Variants in DTNA observed in about 807,000 individuals in gnomAD.
DTNA encodes dystrobrevin alpha, also known as dystrophin-related protein 3.
DTNA carries 43 observed loss-of-function variants against 100.7 expected under a neutral mutation model. That is an observed-to-expected ratio of 0.43 (90% CI 0.33 to 0.55). DTNA has a LOEUF of 0.55. DTNA is among the 20% of genes least tolerant of loss of function. The pLI, the probability that DTNA is intolerant of heterozygous loss-of-function variation, is 0.04. For synonymous variants in DTNA, 349 were observed against 347.9 expected (o/e 1.00, Z -0.04); for missense variants, 798 against 953.9 (o/e 0.84, Z 2.15).
rs1366797220 is a variant in DTNA, at chr18:34,560,897, G to A, written c.-2+67383G>A. On this transcript the variant is annotated intron_variant, in intron 1 of 19. Coordinates refer to the DTNA transcript ENST00000283365. ...AGATCATGCCACTGCACTCCAGCCTGGGTGACAGAGGGAGACCCTGTCTCA... is the reference window on the plus strand; with the variant it reads ...AGATCATGCCACTGCACTCCAGCCTAGGTGACAGAGGGAGACCCTGTCTCA... Among the ~76,000 whole-genome samples the A allele has an allele frequency of 4.6e-5, 7 of 152,128 alleles. No individual in the cohort carries two copies. The East Asian group carries it at 1.3e-3, about 29-fold the overall frequency.
chr18:34,668,361 CT>C (rs1242927119), intron 1 of DTNA, among the ~76,000 whole-genome samples: 5 of 152,120 alleles, frequency 3.3e-5, no homozygotes, highest in Non-Finnish European at 7.4e-5. Flanking sequence ...TTTTGTTGAT[CT>C]TTTCAAAAAA....
At chr18:34,569,483 GA>G (rs1308849354) in intron 1 of DTNA, among the ~76,000 whole-genome samples, 1 of 150,400 alleles carries the variant, frequency 6.6e-6, no homozygotes, top group South Asian at 2.1e-4. Flanking sequence ...GTGATAGTGA[GA>G]AAAAAAAAGC....
intron 1 of DTNA, among the ~76,000 whole-genome samples, chr18:34,681,599 CATTT>C (rs367909188): frequency 2.0e-5 from 3 of 151,866 alleles, no homozygotes; most frequent in Admixed American, 6.6e-5. Flanking sequence ...TGCAGTGTGT[CATTT>C]ATTTATTAAT....
chr18:34,704,017 T>C (rs1403221397), intron 1 of DTNA, among the ~76,000 whole-genome samples: 1 of 152,236 alleles, frequency 6.6e-6, no homozygotes, highest in Non-Finnish European at 1.5e-5. Flanking sequence ...TGTTTTACCA[T>C]AATAATTTAT....
chr18:34,615,970 T>G (rs565246211), intron 1 of DTNA, among the ~76,000 whole-genome samples: 1 of 152,360 alleles, frequency 6.6e-6, no homozygotes, highest in East Asian at 1.9e-4. Flanking sequence ...TTCCACATTT[T>G]TTTTGTTCAA....
At chr18:34,818,417 A>C in intron 8 of DTNA, 87 bp downstream of exon 8, 1 of 1,559,178 alleles carries the variant, frequency 6.4e-7, no homozygotes. Context: ...TGGCAGAATT[A>C]AAGGGCAAAC....
chr18:34,644,085 A>G (rs967261783), intron 1 of DTNA, among the ~76,000 whole-genome samples: 2 of 152,198 alleles, frequency 1.3e-5, no homozygotes, highest in African/African-American at 2.4e-5. Context: ...TTAAATAAAA[A>G]AAATAAGCTA....
rs1221055268 is a variant in DTNA, at chr18:34,883,917, ACT to A, written c.2296-808_2296-807del. 2.6e-5 allele frequency among the ~76,000 whole-genome samples: 4 copies of A among 152,124 alleles called. No homozygotes were observed. In the East Asian group the frequency reaches 7.7e-4, roughly 29 times the overall value. ...AGAGGGTAAAAGAAAAACATAAGTG[ACT>A]CTATATGTAGAGCCGTGCTCCCATG... On this transcript the variant is annotated intron_variant, in intron 21 of 22. Coordinates refer to ENST00000444659, the MANE Select transcript of DTNA (RefSeq NM_001386795.1).
intron 15 of DTNA, among the ~76,000 whole-genome samples, chr18:34,855,531 CCAA>C (rs1356454449): frequency 1.3e-5 from 2 of 152,344 alleles, no homozygotes; most frequent in South Asian, 2.1e-4. Context: ...TCCAGATTTT[CCAA>C]CAACAACCTT....
Position 34,891,000 on chromosome 18 carries a change from C to T in DTNA, c.*3266C>T, listed in dbSNP as rs1359765584. Reference sequence around the variant, plus strand: ...TTTGGTTGCTGCATTCCCCTTGGTTCGATTCCACGCAAGGAGCCACAAGTG... The same window carrying T: ...TTTGGTTGCTGCATTCCCCTTGGTTTGATTCCACGCAAGGAGCCACAAGTG... On this transcript the variant is annotated 3_prime_UTR_variant, in exon 23 of 23. Transcript: ENST00000444659. 6.6e-6 allele frequency: 1 copy of T among 152,420 alleles called. No individual in the cohort carries two copies. The highest frequency in any genetic ancestry group is 1.5e-5 in the Non-Finnish European group (1 of 68,072). 9.4% of individuals were successfully genotyped at this position (152,420 alleles called of 1,614,324 possible).
chr18:34,728,408 A>C (rs991320895), intron 1 of DTNA, among the ~76,000 whole-genome samples: 3 of 152,196 alleles, frequency 2.0e-5, no homozygotes, highest in East Asian at 1.9e-4. Flanking sequence ...ATTTAAAAAA[A>C]TAAAATAAAT....
chr18:34,686,394 A>T lies in DTNA; in HGVS notation c.-1-69582A>T, dbSNP rs544927883. Among the ~76,000 whole-genome samples, 447 of 152,298 alleles carry T rather than the reference A, an allele frequency of 2.9e-3. 2 individuals are homozygous for T. The highest frequency in any genetic ancestry group is 0.01 in the African/African-American group (418 of 41,560). Reference sequence around the variant, plus strand: ...AGGCCTTTTCTGCATCTATTGAGATAATCATGTGGTTTTTGTCATTGGTTC... The same window carrying T: ...AGGCCTTTTCTGCATCTATTGAGATTATCATGTGGTTTTTGTCATTGGTTC... On this transcript the variant is annotated intron_variant, in intron 1 of 19. Coordinates refer to the DTNA transcript ENST00000283365.
chr18:34,543,021 A>G (rs1258843623), intron 1 of DTNA, among the ~76,000 whole-genome samples: 1 of 152,078 alleles, frequency 6.6e-6, no homozygotes, highest in Non-Finnish European at 1.5e-5. Flanking sequence ...GCCTTTACAA[A>G]TGTGATATTC....
intron 22 of DTNA, among the ~76,000 whole-genome samples, 172 bp from the exon 23 acceptor site, chr18:34,887,594 C>T (rs1331633094): frequency 6.6e-6 from 1 of 152,116 alleles, no homozygotes; most frequent in African/African-American, 2.4e-5. Context: ...GCACAGTGTC[C>T]TAGGACTTTC....
At position 34,824,916 on chromosome 18, in the gene DTNA, G is replaced by A. The variant is rs1233090090; in HGVS notation, c.1002-2677G>A. ...TATGTAACAAGTTAACATTTTACAG[G>A]TAGCCTTAGATACAGTAAAAAAAAA... is the stretch of plus-strand genomic sequence containing the variant. On this transcript the variant is annotated intron_variant, in intron 9 of 22. Transcript: ENST00000444659. Among the ~76,000 whole-genome samples, 6 of 140,890 alleles carry A rather than the reference G, an allele frequency of 4.3e-5. No homozygotes were observed. In the East Asian group the frequency reaches 6.0e-4, roughly 14 times the overall value. The allele number at this position is 140,890 out of a possible 152,430, so 92.4% of individuals were successfully genotyped here. A position where few individuals can be genotyped will look rare whatever the true frequency, so the allele number is the denominator to read the frequency against.
chr18:34,684,300 C>G (rs1168231932), intron 1 of DTNA, among the ~76,000 whole-genome samples: 3 of 152,034 alleles, frequency 2.0e-5, no homozygotes, highest in Admixed American at 1.3e-4. Context: ...CCTCCCCTTG[C>G]CCCCCATCCC....
chr18:34,623,511 A>T (rs1320561855), intron 1 of DTNA, among the ~76,000 whole-genome samples: 1 of 152,224 alleles, frequency 6.6e-6, no homozygotes, highest in African/African-American at 2.4e-5. Context: ...TTCACCAATT[A>T]GTTTCAGGAG....
At chr18:34,609,743 G>C (rs1465129555) in intron 1 of DTNA, among the ~76,000 whole-genome samples, 5 of 152,064 alleles carry the variant, frequency 3.3e-5, no homozygotes, top group Non-Finnish European at 7.4e-5. Context: ...TTGGACTCAC[G>C]TGATAACTGT....
chr18:34,834,938 T>C (rs1386770833), intron 11 of DTNA, among the ~76,000 whole-genome samples: 1 of 152,218 alleles, frequency 6.6e-6, no homozygotes, highest in African/African-American at 2.4e-5. Context: ...TCTTCAAGCT[T>C]GGAAGCTGGA....
Sources: allele counts gnomAD v4.1 joint callset (sites outside exome capture counted in the v4.1 genomes callset), GRCh38; gene constraint gnomAD v4.1.1; transcripts MANE v1.5; gene names NCBI Gene and HGNC (gene_info 2026-07-23, HGNC 2026-07-21).